HK3: variants seen among roughly 807,000 people sequenced by gnomAD.
HK3 encodes hexokinase 3, also known as hexokinase-3.
HK3 carries 93 observed loss-of-function variants against 91.0 expected under a neutral mutation model. The observed-to-expected ratio is 1.02, with a 90% CI of 0.86 to 1.21. The LOEUF (loss-of-function observed/expected upper bound fraction) is 1.21, where lower values mean the gene tolerates loss of function less well. Among genes scored for constraint, HK3 ranks in the 50% most tolerant of loss-of-function variants. The pLI is 0.00. For synonymous variants in HK3, 519 were observed against 516.9 expected (o/e 1.00, Z -0.06); for missense variants, 1,235 against 1,247.4 (o/e 0.99, Z 0.15).
In HK3 at chr5:176,881,391, G is replaced by A. The variant is rs138575844; in HGVS notation, c.2538C>T (p.Ala846=). The stretch of plus-strand genomic sequence containing the variant: ...GGTTCTCCCGGATCTTCTCCACCAC[G>A]GCAGCTACACCCGCCCCACAGAGCT... ...AAQLCGAGVA[A]VVEKIRENRG... is the part of the protein sequence containing the mutation. The change falls in exon 18 of 19, where the codon GCC becomes GCT. Residue 846 remains alanine, a synonymous_variant. Transcript: ENST00000292432. The A allele has an allele frequency of 7.9e-5, 127 of 1,613,592 alleles. No homozygotes were observed. Among genetic ancestry groups the A allele is most frequent in the East Asian group, 7.1e-4 (32 of 44,884 alleles).
At chr5:176,894,473 A>C (rs1489256662) in intron 2 of HK3, among the ~76,000 whole-genome samples, 6 of 152,192 alleles carry the variant, frequency 3.9e-5, no homozygotes, top group Non-Finnish European at 7.4e-5. Context: ...GAGGGGCAAG[A>C]AGCGAGGGAG....
At chr5:176,888,890 G>A in intron 8 of HK3, 26 bp from the exon 9 acceptor site, 2 of 1,606,026 alleles carry the variant, frequency 1.2e-6, no homozygotes, top group Non-Finnish European at 1.7e-6. Flanking sequence ...GTGGCTGGAG[G>A]AAGCCTTTTC....
In HK3 at chr5:176,887,344, G is replaced by T; in HGVS notation, c.1601-7C>A. The stretch of plus-strand genomic sequence containing the variant: ...GCCAGGAAATCCCCTCGCTCTGTGG[G>T]GGCAGAGACCCTCAGTGCCGGGATA... On this transcript the variant is annotated splice_region_variant and splice_polypyrimidine_tract_variant and intron_variant, in intron 11 of 18. Transcript: ENST00000292432. This position sits in a 1 kb window ranked among gnomAD's most constrained non-coding sequence, Gnocchi z 4.9. 6.2e-7 allele frequency: 1 copy of T among 1,613,942 alleles called. No individual in the cohort carries two copies. The highest frequency in any genetic ancestry group is 2.2e-5 in the East Asian group (1 of 44,884).
At chr5:176,883,627 C>A (rs1210631718) in intron 15 of HK3, 143 bp downstream of exon 15, 2 of 646,628 alleles carry the variant, frequency 3.1e-6, no homozygotes, top group Non-Finnish European at 5.4e-6. Flanking sequence ...ACTGCCAGCC[C>A]AAGAGATTGT....
chr5:176,889,616 C>T (rs1581298699), intron 7 of HK3, 29 bp downstream of exon 7: 1 of 1,614,026 alleles, frequency 6.2e-7, no homozygotes, highest in Non-Finnish European at 8.5e-7. Flanking sequence ...ACACCCTCCA[C>T]CTGTCATCAC....
rs779271325 is a variant in HK3 at position 176,887,492 on chromosome 5, C to T, written c.1559G>A (p.Arg520His). 4.3e-6 allele frequency: 7 copies of T among 1,613,562 alleles called. No homozygotes were observed. Among genetic ancestry groups the T allele is most frequent in the African/African-American group, 1.3e-5 (1 of 75,054 alleles). Residue 520 changes from arginine (R) to histidine (H), a missense_variant, in exon 11 of 19, where the codon CGC (arginine) becomes CAC (histidine). Arg to His is a conservative substitution (Grantham distance 29, BLOSUM62 0). This residue lies in a region of HK3 where 717 missense variants were observed against 751.6 expected (regional missense o/e 0.95). Coordinates refer to ENST00000292432, the MANE Select transcript of HK3 (RefSeq NM_002115.3). This position sits in a 1 kb window ranked among gnomAD's most constrained non-coding sequence, Gnocchi z 4.9. ...GGCCCGGACGAAAGTGGGCAGCATG[C>T]GAAGGGAGGAGGCCTCCCCTCGGAG... ...KGLRGEASSL[R>H]MLPTFVRATP...
chr5:176,885,143 C>G (rs1405091543), intron 13 of HK3, among the ~76,000 whole-genome samples: 1 of 152,130 alleles, frequency 6.6e-6, no homozygotes, highest in East Asian at 1.9e-4. Flanking sequence ...GTGTCCTATG[C>G]CCTCCCCACT....
rs767646010 is a variant in HK3, at chr5:176,881,547, G to A, written c.2394-12C>T. ...GGGCCAGGCTGTCACTGGGGGCCAG[G>A]AAGGAAGAGAGCACAGGGAGGTGGG... On this transcript the variant is annotated splice_polypyrimidine_tract_variant and intron_variant, in intron 17 of 18. Transcript: ENST00000292432. 5.0e-6 allele frequency: 8 copies of A among 1,598,242 alleles called. No homozygotes were observed. The African/African-American group carries it at 8.0e-5, about 16-fold the overall frequency.
chr5:176,893,976 G>C (rs1301650379), intron 2 of HK3, among the ~76,000 whole-genome samples: 1 of 152,222 alleles, frequency 6.6e-6, no homozygotes, highest in Non-Finnish European at 1.5e-5. Context: ...TTGCTGGCCT[G>C]GGCCCATCAC....
chr5:176,881,135 C>G lies in HK3; in HGVS notation c.2710G>C (p.Gly904Arg), dbSNP rs146153216. 6.2e-7 allele frequency: 1 copy of G among 1,612,972 alleles called. No individual in the cohort carries two copies. The highest frequency in any genetic ancestry group is 2.2e-5 in the East Asian group (1 of 44,874). ...GCGGTGACCAGGGCCGCACCTTTGC[C>G]GGACCCATCCTCTGACTGCAGGAAC... ...VTFLQSEDGS[G>R]KGAALVTAVA... Residue 904 changes from glycine to arginine, a missense_variant, in exon 19 of 19, where the codon GGC becomes CGC. Physicochemically the swap from Gly to Arg is moderately radical, Grantham distance 125. Coordinates refer to ENST00000292432, the MANE Select transcript of HK3 (RefSeq NM_002115.3).
chr5:176,891,412 C>G lies in HK3; in HGVS notation c.235G>C (p.Val79Leu), dbSNP rs758616907. 1.2e-6 allele frequency: 2 copies of G among 1,613,454 alleles called. No homozygotes were observed. Among genetic ancestry groups the G allele is most frequent in the South Asian group, 1.1e-5 (1 of 90,978 alleles). Reference sequence around the variant, plus strand: ...CCAGTGCCATGTGGGGTGGACCCCACGTATGTAGGCAGCATCCGGACCGCA... The same window carrying G: ...CCAGTGCCATGTGGGGTGGACCCCAGGTATGTAGGCAGCATCCGGACCGCA... ...APAVRMLPTY[V>L]GSTPHGTEQG... Residue 79 changes from valine (V) to leucine (L), a missense_variant, in exon 3 of 19, where the codon GTG (valine) becomes CTG (leucine). Val to Leu is a conservative substitution (Grantham distance 32, BLOSUM62 1). Transcript: ENST00000292432.
At chr5:176,883,679 C>T (rs1758501791) in intron 15 of HK3, 91 bp downstream of exon 15, 3 of 1,026,142 alleles carry the variant, frequency 2.9e-6, no homozygotes, top group East Asian at 2.4e-5. Context: ...TCCCACATCC[C>T]CACCGCCAAG....
chr5:176,894,686 G>A (rs553471581), intron 2 of HK3, among the ~76,000 whole-genome samples: 1 of 152,198 alleles, frequency 6.6e-6, no homozygotes, highest in Non-Finnish European at 1.5e-5. Context: ...AACAAGCCTA[G>A]TCAAGTGGAT....
chr5:176,881,015 G>T lies in HK3; in HGVS notation c.*58C>A. 1.3e-6 allele frequency: 2 copies of T among 1,520,580 alleles called. No individual in the cohort carries two copies. The highest frequency in any genetic ancestry group is 1.3e-5 in the South Asian group (1 of 77,362). 94.2% of individuals were successfully genotyped at this position (1,520,580 alleles called of 1,614,324 possible). A position where few individuals can be genotyped will look rare whatever the true frequency, so the allele number is the denominator to read the frequency against. The stretch of plus-strand genomic sequence containing the variant: ...GCTGGGCCTGGCTGGGAAACAGGCA[G>T]ACCCCGACCCGGCTCCAGCAAGGCT... On this transcript the variant is annotated 3_prime_UTR_variant, in exon 19 of 19. Coordinates refer to ENST00000292432, the MANE Select transcript of HK3 (RefSeq NM_002115.3).
Position 176,891,101 on chromosome 5 carries a change from C to T in HK3, c.350G>A (p.Arg117Lys), listed in dbSNP as rs1758758628. 6.2e-7 allele frequency: 1 copy of T among 1,614,148 alleles called. No individual in the cohort carries two copies. Among genetic ancestry groups the T allele is most frequent in the Non-Finnish European group, 8.5e-7 (1 of 1,180,048 alleles). The change falls in exon 4 of 19, where the codon AGG becomes AAG. Residue 117 changes from arginine to lysine, a missense_variant. Physicochemically the swap from Arg to Lys is conservative, Grantham distance 26. Transcript: ENST00000292432. ...AAACTCCTGGCTTCTGGGCTCCACC[C>T]TATGCCCCTCAATGCCAGTTAGAGT... is the stretch of plus-strand genomic sequence containing the variant. Reference protein sequence around the residue: ...WVTLTGIEGHRVEPRSQEFVI... With the variant: ...WVTLTGIEGHKVEPRSQEFVI...
At chr5:176,891,980 C>T (rs1758789715) in intron 2 of HK3, among the ~76,000 whole-genome samples, 1 of 152,162 alleles carries the variant, frequency 6.6e-6, no homozygotes, top group Admixed American at 6.5e-5. Context: ...TCTCCTAATC[C>T]ACTCTCAGAC....
In HK3 at chr5:176,887,758, T is replaced by C. The variant is rs376982892; in HGVS notation, c.1305-12A>G. On this transcript the variant is annotated splice_polypyrimidine_tract_variant and intron_variant, in intron 10 of 18. Transcript: ENST00000292432. This position sits in a 1 kb window ranked among gnomAD's most constrained non-coding sequence, Gnocchi z 4.9. ...GGACGCTGCAGAACCTACAGATACA[T>C]ACAGGTGCACCCGGCTTGGCCCTGG... The C allele has an allele frequency of 1.9e-5, 31 of 1,593,562 alleles. No individual in the cohort carries two copies. The highest frequency in any genetic ancestry group is 2.6e-5 in the Non-Finnish European group (30 of 1,166,420).
rs766503930 is a variant in HK3 at position 176,881,457 on chromosome 5, C to G, written c.2472G>C (p.Met824Ile). ...ACACAGCCTGGCACACCTCTAGCAC[C>G]ATCAGGGCGTCATCTGAGGTCAGGG... ...GLPLTSDDAL[M>I]VLEVCQAVSQ... is the part of the protein sequence containing the mutation. The change falls in exon 18 of 19, where the codon ATG becomes ATC. Residue 824 changes from methionine to isoleucine, a missense_variant. Around this residue, in one of 3 missense-constraint regions of HK3, gnomAD observed 513 missense variants for 477.4 expected, o/e 1.07. Transcript: ENST00000292432. The G allele has an allele frequency of 1.2e-6, 2 of 1,609,772 alleles. No homozygotes were observed. The highest frequency in any genetic ancestry group is 1.1e-5 in the South Asian group (1 of 91,090).
At chr5:176,893,721 C>T (rs534035169) in intron 2 of HK3, among the ~76,000 whole-genome samples, 1 of 152,206 alleles carries the variant, frequency 6.6e-6, no homozygotes, top group East Asian at 1.9e-4. Flanking sequence ...TCCTTTTCCT[C>T]TTGGGCATAT....
Sources: allele counts gnomAD v4.1 joint callset (sites outside exome capture counted in the v4.1 genomes callset), GRCh38; gene constraint gnomAD v4.1.1; regional missense constraint gnomAD v4.1.1; non-coding constraint Gnocchi (gnomAD v3.1); transcripts MANE v1.5; gene names NCBI Gene and HGNC (gene_info 2026-07-23, HGNC 2026-07-21).